L3MBTL2: variants seen among roughly 807,000 people sequenced by gnomAD.
L3MBTL2 encodes the protein L3MBTL histone methyl-lysine binding protein 2, also known as lethal(3)malignant brain tumor-like protein 2.
Under a neutral mutation model 86.4 loss-of-function variants are expected in L3MBTL2, and 49 were observed. The observed-to-expected ratio is 0.57, with a 90% CI of 0.45 to 0.72. The LOEUF (loss-of-function observed/expected upper bound fraction) is 0.72, where lower values mean the gene tolerates loss of function less well. Ranked by LOEUF, L3MBTL2 falls within the 30% of genes least tolerant of loss-of-function variation. The pLI is 0.00. For synonymous variants in L3MBTL2, 336 were observed against 350.6 expected (o/e 0.96, Z 0.47); for missense variants, 755 against 923.7 (o/e 0.82, Z 2.37).
Position 41,224,483 on chromosome 22 carries a change from C to T in L3MBTL2, c.1174+232C>T, listed in dbSNP as rs147371733. 1.6e-3 allele frequency among the ~76,000 whole-genome samples: 248 copies of T among 152,302 alleles called. 2 individuals carry two copies. Among genetic ancestry groups the T allele is most frequent in the South Asian group, 9.5e-3 (46 of 4,824 alleles). On this transcript the variant is annotated intron_variant, in intron 9 of 16. Coordinates refer to ENST00000216237, the MANE Select transcript of L3MBTL2 (RefSeq NM_031488.5). This position sits in a 1 kb window ranked among gnomAD's most constrained non-coding sequence, Gnocchi z 4.9. ...AGATGCTACCAGCCCCGATCCTCTCCCCTGTCAATGCGGGAGCAGTCTGGG... is the reference window on the plus strand; with the variant it reads ...AGATGCTACCAGCCCCGATCCTCTCTCCTGTCAATGCGGGAGCAGTCTGGG...
intron 8 of L3MBTL2, among the ~76,000 whole-genome samples, chr22:41,223,179 G>C (rs997252891): frequency 6.6e-6 from 1 of 152,206 alleles, no homozygotes; most frequent in African/African-American, 2.4e-5. Flanking sequence ...TGTCAGCTTT[G>C]CCTGTTGGCT....
rs1445477480 is a variant in L3MBTL2 at position 41,225,772 on chromosome 22, G to A, written c.1357-22G>A. 3 of 1,599,624 alleles carry A rather than the reference G, an allele frequency of 1.9e-6. No individual in the cohort carries two copies. The highest frequency in any genetic ancestry group is 1.7e-6 in the Non-Finnish European group (2 of 1,169,398). On this transcript the variant is annotated intron_variant, in intron 11 of 16. Transcript: ENST00000216237. This position sits in a 1 kb window ranked among gnomAD's most constrained non-coding sequence, Gnocchi z 4.1. Reference sequence around the variant, plus strand: ...GTGCAGTTCATGATATGATCTGTCTGCCTGCTCCCCCCACCCCCCAGGTTC... The same window carrying A: ...GTGCAGTTCATGATATGATCTGTCTACCTGCTCCCCCCACCCCCCAGGTTC...
chr22:41,215,196 G>T (rs1335816017), intron 3 of L3MBTL2, among the ~76,000 whole-genome samples: 1 of 152,070 alleles, frequency 6.6e-6, no homozygotes, highest in Non-Finnish European at 1.5e-5. Flanking sequence ...TCGCCTTTGT[G>T]AGACAATTAC....
At chr22:41,229,477 A>G (rs1183325363) in intron 15 of L3MBTL2, 63 bp from the exon 16 acceptor site, 1 of 1,556,080 alleles carries the variant, frequency 6.4e-7, no homozygotes, top group Admixed American at 1.8e-5. Flanking sequence ...GGTGAGACCT[A>G]TCCCATAAAG....
chr22:41,230,110 C>G, intron 16 of L3MBTL2, 29 bp from the exon 17 acceptor site: 1 of 1,051,148 alleles, frequency 9.5e-7, no homozygotes, highest in Non-Finnish European at 1.5e-6. Flanking sequence ...ATTTACTCGC[C>G]CACCCACCCG....
intron 2 of L3MBTL2, among the ~76,000 whole-genome samples, chr22:41,213,457 C>CT (rs139449): frequency 0.41 from 52,164 of 126,996 alleles, 10,630 homozygotes; most frequent in African/African-American, 0.5. Context: ...CACACCTGGC[C>CT]TTTTTTTTTT....
At chr22:41,219,647 A>G in intron 6 of L3MBTL2, 111 bp downstream of exon 6, 2 of 699,504 alleles carry the variant, frequency 2.9e-6, no homozygotes, top group South Asian at 1.7e-5. Flanking sequence ...AATCCCACCC[A>G]CTGGAATTTT....
chr22:41,208,781 A>G (rs139434), intron 1 of L3MBTL2, among the ~76,000 whole-genome samples: 63,535 of 151,958 alleles, frequency 0.42, 13,998 homozygotes, highest in African/African-American at 0.56. Flanking sequence ...ATCTCACTCC[A>G]TTACCAGGCT....
Position 41,219,405 on chromosome 22 carries a change from T to C in L3MBTL2, c.601-14T>C. On this transcript the variant is annotated splice_polypyrimidine_tract_variant and intron_variant, in intron 5 of 16. Transcript: ENST00000216237. ...GTTAGCTCACTCTCTCGGTACACTC[T>C]CATCGCCACACAGGTCCCACTCTAT... The C allele has an allele frequency of 6.3e-7, 1 of 1,588,540 alleles. No individual in the cohort carries two copies. Among genetic ancestry groups the C allele is most frequent in the Middle Eastern group, 1.7e-4 (1 of 5,962 alleles).
Position 41,225,063 on chromosome 22 carries a change from G to A in L3MBTL2, c.1348G>A (p.Val450Ile). The change falls in exon 11 of 17, where the codon GTC (valine) becomes ATC (isoleucine). Residue 450 changes from valine (V) to isoleucine (I), a missense_variant. This residue lies in a region of L3MBTL2 where 634 missense variants were observed against 748.9 expected (regional missense o/e 0.85). Coordinates refer to ENST00000216237, the MANE Select transcript of L3MBTL2 (RefSeq NM_031488.5). The surrounding 1 kb of genome is among the most constrained non-coding windows in gnomAD (Gnocchi z 4.1). ...LNLGNICVAT[V>I]CKVLLDGYLM... is the part of the protein sequence containing the mutation. ...TCTGGGCAACATCTGCGTGGCAACT[G>A]TCTGTAAGGTGAGCCAGGGGCCGGC... 6.2e-7 allele frequency: 1 copy of A among 1,613,170 alleles called. No homozygotes were observed. Among genetic ancestry groups the A allele is most frequent in the Non-Finnish European group, 8.5e-7 (1 of 1,179,452 alleles).
intron 2 of L3MBTL2, among the ~76,000 whole-genome samples, chr22:41,210,931 C>A (rs1006241891): frequency 2.0e-5 from 3 of 152,134 alleles, no homozygotes; most frequent in Non-Finnish European, 4.4e-5. Context: ...GTTTTGGTTA[C>A]TTTCTGAGAA....
intron 13 of L3MBTL2, 107 bp from the exon 14 acceptor site, chr22:41,226,982 C>T: frequency 2.0e-6 from 2 of 991,896 alleles, no homozygotes; most frequent in Non-Finnish European, 3.0e-6. Context: ...GCAGCCATTC[C>T]AGTCCCCGCC....
intron 3 of L3MBTL2, 143 bp from the exon 4 acceptor site, chr22:41,215,996 C>A: frequency 1.1e-6 from 1 of 929,006 alleles, no homozygotes; most frequent in Non-Finnish European, 1.6e-6. Flanking sequence ...TTGTTATTGT[C>A]ATCACTGTTT....
rs753922145 is a variant in L3MBTL2, at chr22:41,205,403, T to C, written c.24+17T>C. 1 of 1,614,124 alleles carries C rather than the reference T, an allele frequency of 6.2e-7. No individual in the cohort carries two copies. The highest frequency in any genetic ancestry group is 8.5e-7 in the Non-Finnish European group (1 of 1,179,966). ...AGTATTGAGGTGAGAAGGCGAGGACTTAGCGTGACTGGGAAAGGGAACTCC... is the reference window on the plus strand; with the variant it reads ...AGTATTGAGGTGAGAAGGCGAGGACCTAGCGTGACTGGGAAAGGGAACTCC... On this transcript the variant is annotated intron_variant, in intron 1 of 16. Transcript: ENST00000216237.
Position 41,230,455 on chromosome 22 carries a change from T to TCTATATGA in L3MBTL2, c.*206_*213dup, listed in dbSNP as rs1422036461. On this transcript the variant is annotated 3_prime_UTR_variant, in exon 17 of 17. Coordinates refer to ENST00000216237, the MANE Select transcript of L3MBTL2 (RefSeq NM_031488.5). ...GCTTCTGCCCTCCCCTGTGGAAAGG[T>TCTATATGA]CTATATGACGGGCCGCCTGAGGCCC... The TCTATATGA allele has an allele frequency of 7.3e-6, 4 of 545,234 alleles. No homozygotes were observed. Among genetic ancestry groups the TCTATATGA allele is most frequent in the Non-Finnish European group, 1.3e-5 (4 of 308,638 alleles). The allele number at this position is 545,234 out of a possible 1,614,324, so 33.8% of individuals were successfully genotyped here. A position where few individuals can be genotyped will look rare whatever the true frequency, so the allele number is the denominator to read the frequency against.
At chr22:41,210,042 T>TA in intron 2 of L3MBTL2, 109 bp downstream of exon 2, 1 of 1,440,672 alleles carries the variant, frequency 6.9e-7, no homozygotes. Flanking sequence ...AAAAGGCTAT[T>TA]AACTCTGATT....
At position 41,228,679 on chromosome 22, in the gene L3MBTL2, G is replaced by A. The variant is rs554610427; in HGVS notation, c.1888+810G>A. 7.2e-5 allele frequency among the ~76,000 whole-genome samples: 11 copies of A among 152,076 alleles called. No individual in the cohort carries two copies. In the South Asian group the frequency reaches 1.9e-3, roughly 26 times the overall value. On this transcript the variant is annotated intron_variant, in intron 15 of 16. Coordinates refer to ENST00000216237, the MANE Select transcript of L3MBTL2 (RefSeq NM_031488.5). Reference sequence around the variant, plus strand: ...AGCCTGACCAACATGGCGAAACCCCGTCTCTACTAAAAATACAAAAATTAG... The same window carrying A: ...AGCCTGACCAACATGGCGAAACCCCATCTCTACTAAAAATACAAAAATTAG...
chr22:41,221,453 A>AC, intron 8 of L3MBTL2, 166 bp downstream of exon 8: 1 of 645,674 alleles, frequency 1.5e-6, no homozygotes, highest in Non-Finnish European at 2.8e-6. Context: ...CGTGGTTGCC[A>AC]TCTGCCTTTC....
rs1326824530 is a variant in L3MBTL2, at chr22:41,224,575, T to C, written c.1175-150T>C. The C allele has an allele frequency of 4.4e-5, 28 of 641,588 alleles. No homozygotes were observed. Among genetic ancestry groups the C allele is most frequent in the Non-Finnish European group, 2.5e-5 (9 of 357,756 alleles). 39.7% of individuals were successfully genotyped at this position (641,588 alleles called of 1,614,324 possible). ...TTCTGGACTCAACCTTTCTGTCTGC[T>C]ACTCTGGGGTGGGGGGTCCTGAGAT... On this transcript the variant is annotated intron_variant, in intron 9 of 16. Coordinates refer to ENST00000216237, the MANE Select transcript of L3MBTL2 (RefSeq NM_031488.5). This position sits in a 1 kb window ranked among gnomAD's most constrained non-coding sequence, Gnocchi z 4.9.
Sources: gnomAD v4.1 joint callset for allele counts (sites outside exome capture counted in the v4.1 genomes callset) on GRCh38, gnomAD v4.1.1 for gene constraint, gnomAD v4.1.1 regional missense constraint, Gnocchi (gnomAD v3.1) non-coding constraint, MANE v1.5 for transcripts, NCBI Gene and HGNC (gene_info 2026-07-23, HGNC 2026-07-21) for gene names.